BTRC: variants seen among roughly 807,000 people sequenced by gnomAD.
BTRC encodes the protein beta-transducin repeat containing E3 ubiquitin protein ligase, also known as F-box/WD repeat-containing protein 1A.
Under a neutral mutation model 85.5 loss-of-function variants are expected in BTRC, and 42 were observed. The ratio of observed to expected loss-of-function variants is 0.49; its 90% CI spans 0.38 to 0.64. The LOEUF is 0.64. Ranked by LOEUF, BTRC falls within the 30% of genes least tolerant of loss-of-function variation. The pLI is 0.00. For missense variants in BTRC, 594 were observed against 743.5 expected, an observed-to-expected ratio of 0.80 and a Z score of 2.34; for synonymous variants, 255 against 263.3, an observed-to-expected ratio of 0.97 and a Z score of 0.30.
At chr10:101,357,785 G>A (rs1287557052) in intron 1 of BTRC, among the ~76,000 whole-genome samples, 2 of 152,120 alleles carry the variant, frequency 1.3e-5, no homozygotes, top group Admixed American at 6.5e-5. Flanking sequence ...TAATTCACAC[G>A]TGATCGAGAC....
intron 3 of BTRC, among the ~76,000 whole-genome samples, chr10:101,475,595 T>C (rs1327182509): frequency 3.3e-5 from 5 of 152,136 alleles, no homozygotes; most frequent in Non-Finnish European, 5.9e-5. Flanking sequence ...TGGGGAGTTA[T>C]ATATCTCTAC....
intron 1 of BTRC, among the ~76,000 whole-genome samples, chr10:101,410,687 TTTAA>T (rs1943751750): frequency 7.0e-6 from 1 of 142,928 alleles, no homozygotes; most frequent in Non-Finnish European, 1.6e-5. Context: ...TTGCCCATTT[TTTAA>T]TTGAGTTGTC....
intron 2 of BTRC, among the ~76,000 whole-genome samples, chr10:101,430,801 A>G (rs553862555): frequency 4.9e-4 from 75 of 152,300 alleles, no homozygotes; most frequent in African/African-American, 1.5e-3. Flanking sequence ...GCCAATTAGT[A>G]TAATCAATCA....
intron 1 of BTRC, among the ~76,000 whole-genome samples, chr10:101,402,627 G>A (rs1231908855): frequency 1.3e-5 from 2 of 152,096 alleles, no homozygotes; most frequent in African/African-American, 4.8e-5. Context: ...CAGAATTGTG[G>A]AATTTTATTG....
chr10:101,534,567 C>G, intron 9 of BTRC, 94 bp from the exon 10 acceptor site: 2 of 1,505,722 alleles, frequency 1.3e-6, no homozygotes, highest in Non-Finnish European at 1.8e-6. Context: ...CTGGCCCTCT[C>G]TCTAAATATA....
At chr10:101,547,985 G>A (rs1367566267) in intron 13 of BTRC, among the ~76,000 whole-genome samples, 1 of 152,046 alleles carries the variant, frequency 6.6e-6, no homozygotes, top group Admixed American at 6.6e-5. Flanking sequence ...CAGCAAACAA[G>A]GGATAGAGAG....
intron 13 of BTRC, among the ~76,000 whole-genome samples, chr10:101,539,597 G>A (rs927471970): frequency 7.9e-5 from 12 of 152,084 alleles, no homozygotes; most frequent in African/African-American, 2.7e-4. Context: ...ATTGTTTCTC[G>A]TTTTTGGCTA....
chr10:101,522,977 G>GGATGGATCACGAGGTC (rs2062140656), intron 5 of BTRC, among the ~76,000 whole-genome samples: 2 of 152,254 alleles, frequency 1.3e-5, no homozygotes, highest in South Asian at 4.2e-4. Context: ...AGGCCGAAGT[G>GGATGGATCACGAGGTC]GATGGATCAC....
intron 4 of BTRC, among the ~76,000 whole-genome samples, 178 bp from the exon 5 acceptor site, chr10:101,521,459 TTA>T (rs2062103682): frequency 1.3e-5 from 2 of 152,238 alleles, no homozygotes; most frequent in Non-Finnish European, 2.9e-5. Context: ...TCTTCTAGTA[TTA>T]TAGCTGATTT....
At chr10:101,369,924 C>T (rs971823436) in intron 1 of BTRC, among the ~76,000 whole-genome samples, 1 of 152,122 alleles carries the variant, frequency 6.6e-6, no homozygotes, top group African/African-American at 2.4e-5. Context: ...TTCCCCACAC[C>T]CACTATATAG....
At chr10:101,387,218 CATA>C (rs1408866410) in intron 1 of BTRC, among the ~76,000 whole-genome samples, 2 of 151,506 alleles carry the variant, frequency 1.3e-5, no homozygotes, top group African/African-American at 2.4e-5. Context: ...AAAAATTTAA[CATA>C]ATAAGTGTAC....
At chr10:101,445,494 C>T (rs1486309415) in intron 2 of BTRC, among the ~76,000 whole-genome samples, 1 of 152,138 alleles carries the variant, frequency 6.6e-6, no homozygotes, top group East Asian at 1.9e-4. Flanking sequence ...TAAGGTATAG[C>T]GCAGGGACAT....
chr10:101,399,395 T>A (rs547403701), intron 1 of BTRC, among the ~76,000 whole-genome samples: 6 of 150,860 alleles, frequency 4.0e-5, no homozygotes, highest in African/African-American at 1.5e-4. Flanking sequence ...TGGTAGCAGG[T>A]CATGTATGAC....
Position 101,430,463 on chromosome 10 carries a change from T to G in BTRC, c.156+11T>G. The G allele has an allele frequency of 6.2e-7, 1 of 1,610,088 alleles. No homozygotes were observed. Among genetic ancestry groups the G allele is most frequent in the Non-Finnish European group, 8.5e-7 (1 of 1,176,592 alleles). On this transcript the variant is annotated intron_variant, in intron 2 of 14. Transcript: ENST00000370187. ...CTCACAGCTTTCCAGGTACTTTCTC[T>G]GTCTCTGTGGGTTATTTGCGGGCAT...
At chr10:101,375,444 CTCTTT>C (rs1942765382) in intron 1 of BTRC, among the ~76,000 whole-genome samples, 1 of 152,160 alleles carries the variant, frequency 6.6e-6, no homozygotes, top group South Asian at 2.1e-4. Context: ...CCAATGAAAC[CTCTTT>C]TCTTATAAAT....
chr10:101,522,013 GCTTTTTTTTTTT>G, intron 5 of BTRC, 143 bp downstream of exon 5: 2 of 80,788 alleles, frequency 2.5e-5, no homozygotes, highest in Non-Finnish European at 4.2e-5. Flanking sequence ...TTGATATAAA[GCTTTTTTTTTTT>G]TTTTTTTTTT....
intron 1 of BTRC, among the ~76,000 whole-genome samples, chr10:101,355,629 A>G (rs375160298): frequency 6.6e-6 from 1 of 152,124 alleles, no homozygotes; most frequent in South Asian, 2.1e-4. Context: ...GTCACTCCAA[A>G]TCTTACTCCT....
At chr10:101,427,027 G>A (rs1225205414) in intron 1 of BTRC, among the ~76,000 whole-genome samples, 5 of 149,828 alleles carry the variant, frequency 3.3e-5, no homozygotes, top group Non-Finnish European at 3.0e-5. Context: ...CTTTCCTTCC[G>A]AATGACTGTG....
chr10:101,533,209 C>T (rs2062327551), intron 9 of BTRC, 139 bp downstream of exon 9: 2 of 550,650 alleles, frequency 3.6e-6, no homozygotes, highest in Non-Finnish European at 6.2e-6. Flanking sequence ...TCATTTCTGT[C>T]AGTCTAGAAC....
Sources: allele counts gnomAD v4.1 joint callset (sites outside exome capture counted in the v4.1 genomes callset), GRCh38; gene constraint gnomAD v4.1.1; transcripts MANE v1.5; gene names NCBI Gene and HGNC (gene_info 2026-07-23, HGNC 2026-07-21).